The following PSME4 variants were observed in gnomAD, a reference collection of about 807,000 sequenced individuals.
PSME4 encodes proteasome activator complex subunit 4.
A neutral mutation model predicts 253.9 loss-of-function variants in PSME4; 89 were observed. The ratio of observed to expected loss-of-function variants is 0.35; its 90% CI spans 0.30 to 0.42. PSME4 has a LOEUF of 0.42. Among genes scored for constraint, PSME4 ranks in the 10% least tolerant of loss-of-function variants. The pLI is 1.00. For synonymous variants in PSME4, 851 were observed against 759.2 expected (o/e 1.12, Z -1.99); for missense variants, 2,014 against 2,195.2 (o/e 0.92, Z 1.65).
intron 1 of PSME4, among the ~76,000 whole-genome samples, chr2:53,964,102 G>C (rs912403815): frequency 6.6e-6 from 1 of 152,088 alleles, no homozygotes; most frequent in Non-Finnish European, 1.5e-5. Context: ...GTGATGTTCA[G>C]GAAGAAATAG....
intron 41 of PSME4, among the ~76,000 whole-genome samples, chr2:53,882,494 G>A (rs148906437): frequency 7.3e-4 from 111 of 152,218 alleles, no homozygotes; most frequent in East Asian, 2.1e-3. Flanking sequence ...TATAATCCTC[G>A]TAACATCCTT....
chr2:53,909,294 T>C (rs1667713436), intron 21 of PSME4, among the ~76,000 whole-genome samples: 1 of 152,134 alleles, frequency 6.6e-6, no homozygotes, highest in African/African-American at 2.4e-5. Context: ...AATCCAGCGA[T>C]GAGAAAGGGT....
At chr2:53,929,216 A>G (rs1668710741) in intron 10 of PSME4, among the ~76,000 whole-genome samples, 1 of 151,906 alleles carries the variant, frequency 6.6e-6, no homozygotes. Flanking sequence ...GATTTCAGCC[A>G]TCCTAATCTA....
At chr2:53,946,651 T>G (rs1357435991) in intron 3 of PSME4, among the ~76,000 whole-genome samples, 1 of 152,188 alleles carries the variant, frequency 6.6e-6, no homozygotes, top group African/African-American at 2.4e-5. Flanking sequence ...ATCCCAGCAC[T>G]TTGGGAGGCC....
intron 8 of PSME4, among the ~76,000 whole-genome samples, chr2:53,933,334 C>T (rs1376418784): frequency 7.3e-6 from 1 of 136,314 alleles, no homozygotes; most frequent in African/African-American, 2.9e-5. Context: ...GCTGAAATCA[C>T]GCTACTGCAC....
chr2:53,908,243 C>T (rs1667656452), intron 24 of PSME4, 77 bp downstream of exon 24: 4 of 1,158,864 alleles, frequency 3.5e-6, no homozygotes, highest in Middle Eastern at 2.5e-4. Context: ...CTTCTATATG[C>T]TGAATAATAC....
rs139128807 is a variant in PSME4, at chr2:53,921,231, T to C, written c.2047-127A>G. On this transcript the variant is annotated intron_variant, in intron 17 of 46. Coordinates refer to ENST00000404125, the MANE Select transcript of PSME4 (RefSeq NM_014614.3). ...TAAATGACTTTAATTAATTTTAGGATTGTCACTTTAACTGCATTCTAATAA... is the reference window on the plus strand; with the variant it reads ...TAAATGACTTTAATTAATTTTAGGACTGTCACTTTAACTGCATTCTAATAA... 1,011 of 1,405,008 alleles carry C rather than the reference T, an allele frequency of 7.2e-4. 3 individuals carry two copies. The African/African-American group carries it at 0.011, about 15-fold the overall frequency. 87.0% of individuals were successfully genotyped at this position (1,405,008 alleles called of 1,614,324 possible). A position where few individuals can be genotyped will look rare whatever the true frequency, so the allele number is the denominator to read the frequency against.
At chr2:53,865,776 C>A (rs1172274758) in intron 46 of PSME4, 1 of 246,798 alleles carries the variant, frequency 4.1e-6, no homozygotes. Flanking sequence ...TGTCCCAGCC[C>A]CACCCAGGAG....
chr2:53,964,559 T>C (rs964021642), intron 1 of PSME4, among the ~76,000 whole-genome samples: 1 of 152,242 alleles, frequency 6.6e-6, no homozygotes, highest in Non-Finnish European at 1.5e-5. Context: ...ATGAGTTTGG[T>C]AACTTGTCAA....
At chr2:53,879,679 G>C (rs527409831) in intron 41 of PSME4, among the ~76,000 whole-genome samples, 1 of 151,462 alleles carries the variant, frequency 6.6e-6, no homozygotes, top group Non-Finnish European at 1.5e-5. Flanking sequence ...TACCAAATAA[G>C]CCCAGAAACA....
chr2:53,936,453 T>C (rs1042872596), intron 6 of PSME4, among the ~76,000 whole-genome samples: 3 of 152,172 alleles, frequency 2.0e-5, no homozygotes, highest in African/African-American at 7.2e-5. Flanking sequence ...ATATCCACTA[T>C]ATGTCCAGCA....
intron 36 of PSME4, among the ~76,000 whole-genome samples, chr2:53,892,325 A>C (rs1573227064): frequency 6.6e-6 from 1 of 152,180 alleles, no homozygotes. Flanking sequence ...GTGTGTGAAA[A>C]CTATATCTTA....
At position 53,920,225 on chromosome 2, in the gene PSME4, C is replaced by G. The variant is rs776341500; in HGVS notation, c.2388G>C (p.Gln796His). Residue 796 changes from glutamine to histidine, a missense_variant, in exon 19 of 47, where the codon CAG becomes CAC. Gln to His is a conservative substitution (Grantham distance 24). Coordinates refer to ENST00000404125, the MANE Select transcript of PSME4 (RefSeq NM_014614.3). Reference sequence around the variant, plus strand: ...TTTCAAGTTTTCCATCCCCACAATGCTGGAGTTTGACGAGCTCAGGCTGAA... The same window carrying G: ...TTTCAAGTTTTCCATCCCCACAATGGTGGAGTTTGACGAGCTCAGGCTGAA... The part of the protein sequence containing the change: ...SFLQPELVKL[Q>H]HCGDGKLEMS... 1 of 1,612,820 alleles carries G rather than the reference C, an allele frequency of 6.2e-7. No homozygotes were observed. The highest frequency in any genetic ancestry group is 1.1e-5 in the South Asian group (1 of 90,914).
chr2:53,903,972 C>A, intron 27 of PSME4, 53 bp downstream of exon 27: 1 of 1,463,176 alleles, frequency 6.8e-7, no homozygotes, highest in Non-Finnish European at 9.3e-7. Flanking sequence ...ATTTTTTCAG[C>A]TTTTCAGTAT....
chr2:53,959,082 C>CA (rs1472596107), intron 1 of PSME4, among the ~76,000 whole-genome samples: 4 of 152,230 alleles, frequency 2.6e-5, no homozygotes, highest in Non-Finnish European at 4.4e-5. Context: ...TTTGGGAAGC[C>CA]AGGGCAGGTG....
chr2:53,970,979 G>A lies in PSME4; in HGVS notation c.-195C>T, dbSNP rs930418338. The A allele has an allele frequency of 8.5e-6, 4 of 471,326 alleles. No individual in the cohort carries two copies. Among genetic ancestry groups the A allele is most frequent in the East Asian group, 7.3e-5 (2 of 27,250 alleles). 29.2% of individuals were successfully genotyped at this position (471,326 alleles called of 1,614,324 possible). ...ACGCGGCTCTCAGTTCGTTGGCGGC[G>A]GCAGCGGCCGCTCTGCCCGCCCCGC... On this transcript the variant is annotated 5_prime_UTR_variant, in exon 1 of 47. Coordinates refer to ENST00000404125, the MANE Select transcript of PSME4 (RefSeq NM_014614.3).
intron 41 of PSME4, among the ~76,000 whole-genome samples, chr2:53,877,624 T>C (rs775439120): frequency 1.3e-5 from 2 of 152,100 alleles, no homozygotes. Flanking sequence ...AAAGGTAGAA[T>C]AGGGTGATCA....
intron 24 of PSME4, 76 bp downstream of exon 24, chr2:53,908,244 T>C: frequency 8.5e-7 from 1 of 1,177,074 alleles, no homozygotes; most frequent in East Asian, 2.5e-5. Context: ...TTCTATATGC[T>C]GAATAATACC....
chr2:53,894,996 G>T lies in PSME4; in HGVS notation c.3912+11C>A, dbSNP rs891560116. On this transcript the variant is annotated intron_variant, in intron 34 of 46. Coordinates refer to ENST00000404125, the MANE Select transcript of PSME4 (RefSeq NM_014614.3). ...AGATGCATTTGAACCATGGTGAAATGGAATGCTTACCTCTGTCATATCCTC... is the reference window on the plus strand; with the variant it reads ...AGATGCATTTGAACCATGGTGAAATTGAATGCTTACCTCTGTCATATCCTC... The T allele has an allele frequency of 6.2e-7, 1 of 1,604,122 alleles. No homozygotes were observed. Among genetic ancestry groups the T allele is most frequent in the East Asian group, 2.2e-5 (1 of 44,852 alleles).
Sources: allele counts gnomAD v4.1 joint callset (sites outside exome capture counted in the v4.1 genomes callset), GRCh38; gene constraint gnomAD v4.1.1; transcripts MANE v1.5; gene names NCBI Gene and HGNC (gene_info 2026-07-23, HGNC 2026-07-21).